Variants in FCER1A observed in about 807,000 individuals in gnomAD.
The protein encoded by FCER1A is high affinity immunoglobulin epsilon receptor subunit alpha.
Under a neutral mutation model 23.6 loss-of-function variants are expected in FCER1A, and 24 were observed. That is an observed-to-expected ratio of 1.02 (90% confidence interval 0.74 to 1.43). The LOEUF (loss-of-function observed/expected upper bound fraction) is 1.43. Ranked by LOEUF, FCER1A falls within the 40% of genes most tolerant of loss-of-function variation. The probability of loss-of-function intolerance (pLI) is 0.00; values close to 1 mark genes in which losing one functional copy is unlikely to be tolerated. For synonymous variants in FCER1A, 121 were observed against 108.8 expected (o/e 1.11, Z -0.70); for missense variants, 318 against 294.5 (o/e 1.08, Z -0.58).
chr1:159,302,252 T>C (rs546968352), upstream of FCER1A: 3 of 776,610 alleles, frequency 3.9e-6, no homozygotes, highest in South Asian at 3.0e-5. Flanking sequence ...GCACAGCTGA[T>C]GGGTTAACCA....
At chr1:159,302,456 C>T (rs762953894) in intron 1 of FCER1A, 37 bp downstream of exon 1, 49 of 1,464,234 alleles carry the variant, frequency 3.3e-5, no homozygotes, top group Non-Finnish European at 4.2e-5. Context: ...CAGGGAGGCC[C>T]AAATGAATTT....
intron 1 of FCER1A, among the ~76,000 whole-genome samples, chr1:159,294,810 A>G (rs1571076983): frequency 6.6e-6 from 1 of 152,294 alleles, no homozygotes; most frequent in East Asian, 1.9e-4. Flanking sequence ...CCATTTCTTT[A>G]TTTGTCCATA....
chr1:159,285,544 C>G (rs1651995168), upstream of FCER1A, among the ~76,000 whole-genome samples: 1 of 151,266 alleles, frequency 6.6e-6, no homozygotes, highest in South Asian at 2.1e-4. Context: ...TATAAAAACA[C>G]ACATAAAATT....
At chr1:159,286,664 T>C (rs1652029100), upstream of FCER1A, among the ~76,000 whole-genome samples, 1 of 152,212 alleles carries the variant, frequency 6.6e-6, no homozygotes, top group Non-Finnish European at 1.5e-5. Flanking sequence ...TGCAAAACGG[T>C]GCTTTCTTAA....
intron 1 of FCER1A, among the ~76,000 whole-genome samples, chr1:159,293,872 A>G (rs974610161): frequency 4.6e-5 from 7 of 151,576 alleles, no homozygotes; most frequent in African/African-American, 1.7e-4. Flanking sequence ...AATTTACAAG[A>G]AAAAAAACAA....
upstream of FCER1A, among the ~76,000 whole-genome samples, chr1:159,300,331 TTTGATTGTAGG>T (rs1652399027): frequency 6.6e-6 from 1 of 152,124 alleles, no homozygotes; most frequent in Non-Finnish European, 1.5e-5. Context: ...TGAGGGACAA[TTTGATTGTAGG>T]TTCACTGTCC....
At position 159,307,970 on chromosome 1, in the gene FCER1A, T is replaced by C. The variant is rs771690270; in HGVS notation, c.*38T>C. The C allele has an allele frequency of 2.0e-6, 3 of 1,501,582 alleles. No individual in the cohort carries two copies. The highest frequency in any genetic ancestry group is 1.8e-6 in the Non-Finnish European group (2 of 1,094,130). The allele number at this position is 1,501,582 out of a possible 1,614,324, so 93.0% of individuals were successfully genotyped here. A position where few individuals can be genotyped will look rare whatever the true frequency, so the allele number is the denominator to read the frequency against. ...AGAAATATTTGCAACATTAGTTTTT[T>C]TCCAGCATCAGCAATTGCTACTCAA... On this transcript the variant is annotated 3_prime_UTR_variant, in exon 5 of 5. Transcript: ENST00000693622.
chr1:159,303,215 T>A (rs1652491736), intron 2 of FCER1A, among the ~76,000 whole-genome samples: 1 of 152,180 alleles, frequency 6.6e-6, no homozygotes. Context: ...TCAGTGATTT[T>A]CTGGTGGTTA....
At chr1:159,294,943 C>T (rs191547429) in intron 1 of FCER1A, among the ~76,000 whole-genome samples, 3 of 152,168 alleles carry the variant, frequency 2.0e-5, no homozygotes, top group African/African-American at 7.2e-5. Flanking sequence ...AAAATTCTAC[C>T]AGCAAACTAT....
Position 159,302,428 on chromosome 1 carries a change from A to T in FCER1A, c.55+9A>T. 1 of 1,591,964 alleles carries T rather than the reference A, an allele frequency of 6.3e-7. No homozygotes were observed. Among genetic ancestry groups the T allele is most frequent in the South Asian group, 1.1e-5 (1 of 90,618 alleles). The stretch of plus-strand genomic sequence containing the variant: ...AGCCTTACTGTTCTTCGGTAAGTAG[A>T]GATTCAATTACCCCTCCCAGGGAGG... On this transcript the variant is annotated intron_variant, in intron 1 of 4. Coordinates refer to ENST00000693622, the MANE Select transcript of FCER1A (RefSeq NM_001387280.1).
At chr1:159,286,861 A>G (rs1652032194), upstream of FCER1A, among the ~76,000 whole-genome samples, 1 of 152,224 alleles carries the variant, frequency 6.6e-6, no homozygotes, top group Non-Finnish European at 1.5e-5. Flanking sequence ...AAATAGTCAT[A>G]ATCCAGCAAG....
chr1:159,306,574 G>A lies in FCER1A; in HGVS notation c.589+329G>A, dbSNP rs1022601612. 3.9e-5 allele frequency among the ~76,000 whole-genome samples: 6 copies of A among 152,140 alleles called. No individual in the cohort carries two copies. In the South Asian group the frequency reaches 8.3e-4, roughly 21 times the overall value. ...TACTATTTTGATCTCAAAGTCATCT[G>A]TTGCTCCTGGGGGAACACTTATATT... On this transcript the variant is annotated intron_variant, in intron 4 of 4. Coordinates refer to ENST00000693622, the MANE Select transcript of FCER1A (RefSeq NM_001387280.1).
At chr1:159,293,599 T>C (rs1443397700) in intron 1 of FCER1A, among the ~76,000 whole-genome samples, 1 of 134,560 alleles carries the variant, frequency 7.4e-6, no homozygotes, top group Non-Finnish European at 1.5e-5. Context: ...TGTGTCCATG[T>C]GTTCTCATTG....
intron 3 of FCER1A, among the ~76,000 whole-genome samples, chr1:159,304,388 T>C (rs1420289832): frequency 6.6e-6 from 1 of 151,770 alleles, no homozygotes; most frequent in Non-Finnish European, 1.5e-5. Context: ...GATCACGAGG[T>C]CAGGAGATCG....
upstream of FCER1A, among the ~76,000 whole-genome samples, chr1:159,297,865 A>T (rs1652335671): frequency 1.3e-5 from 2 of 151,988 alleles, no homozygotes; most frequent in South Asian, 4.2e-4. Context: ...GCATAGTAAA[A>T]CCCAGTCTCA....
At chr1:159,307,506 G>GGCA (rs1177421103) in intron 4 of FCER1A, among the ~76,000 whole-genome samples, 1 of 152,060 alleles carries the variant, frequency 6.6e-6, no homozygotes, top group Non-Finnish European at 1.5e-5. Context: ...CTCTGGGCAC[G>GGCA]GCACACTGGC....
At position 159,303,909 on chromosome 1, in the gene FCER1A, T is replaced by A; in HGVS notation, c.77-19T>A. On this transcript the variant is annotated intron_variant, in intron 2 of 4. Coordinates refer to ENST00000693622, the MANE Select transcript of FCER1A (RefSeq NM_001387280.1). The stretch of plus-strand genomic sequence containing the variant: ...TTTTTTCTCTCTACATGTCTTTTCA[T>A]ATTTTTATCTTCTTGAAGTCCCTCA... 3 of 1,596,854 alleles carry A rather than the reference T, an allele frequency of 1.9e-6. No individual in the cohort carries two copies. Among genetic ancestry groups the A allele is most frequent in the Non-Finnish European group, 2.6e-6 (3 of 1,170,656 alleles).
chr1:159,285,228 A>C (rs1651986303), upstream of FCER1A, among the ~76,000 whole-genome samples: 1 of 152,216 alleles, frequency 6.6e-6, no homozygotes, highest in African/African-American at 2.4e-5. Flanking sequence ...AAAAATAAAA[A>C]ATGTCTCTAA....
At chr1:159,292,448 T>C (rs1237499609) in intron 1 of FCER1A, among the ~76,000 whole-genome samples, 1 of 152,154 alleles carries the variant, frequency 6.6e-6, no homozygotes, top group Non-Finnish European at 1.5e-5. Flanking sequence ...TTTTATACTT[T>C]CTGTGCCCTC....
Sources: allele counts gnomAD v4.1 joint callset (sites outside exome capture counted in the v4.1 genomes callset), GRCh38; gene constraint gnomAD v4.1.1; transcripts MANE v1.5; gene names NCBI Gene and HGNC (gene_info 2026-07-23, HGNC 2026-07-21).